Variants in MFHAS1 observed in about 807,000 individuals in gnomAD.
MFHAS1 encodes the protein malignant fibrous histiocytoma-amplified sequence 1.
In MFHAS1, 50 loss-of-function variants were observed where a neutral mutation model predicts 70.4. The observed-to-expected ratio is 0.71, with a 90% CI of 0.57 to 0.90. The LOEUF (loss-of-function observed/expected upper bound fraction) is 0.90. MFHAS1 is among the 40% of genes least tolerant of loss of function. MFHAS1 has a pLI of 0.00. For synonymous variants in MFHAS1, 952 were observed against 620.0 expected (o/e 1.54, Z -7.96); for missense variants, 1,795 against 1,347.6 (o/e 1.33, Z -5.20).
intron 2 of MFHAS1, among the ~76,000 whole-genome samples, chr8:8,791,684 C>T (rs572692113): frequency 2.0e-5 from 3 of 152,292 alleles, no homozygotes; most frequent in South Asian, 2.1e-4. Flanking sequence ...AAAGATAATG[C>T]GGTCTACTTG....
At chr8:8,873,920 A>G (rs1373599940) in intron 1 of MFHAS1, among the ~76,000 whole-genome samples, 1 of 152,216 alleles carries the variant, frequency 6.6e-6, no homozygotes, top group Non-Finnish European at 1.5e-5. Flanking sequence ...AATTATTGCT[A>G]TGTCTAAACA....
In MFHAS1 at chr8:8,892,773, T is replaced by C; in HGVS notation, c.286A>G (p.Arg96Gly). Residue 96 changes from arginine (R) to glycine (G), a missense_variant, in exon 1 of 3, where the codon AGG becomes GGG. Transcript: ENST00000276282. This position sits in a 1 kb window ranked among gnomAD's most constrained non-coding sequence, Gnocchi z 4.7. ...GGGGGCAGCCGGGCGAAGCGGTTCC[T>C]GCGCAGGACCAGGACGCGCAGGCTG... is the stretch of plus-strand genomic sequence containing the variant. ...LGSLRVLVLR[R>G]NRFARLPPAV... 3 of 1,582,510 alleles carry C rather than the reference T, an allele frequency of 1.9e-6. No homozygotes were observed. The highest frequency in any genetic ancestry group is 1.7e-6 in the Non-Finnish European group (2 of 1,165,548).
At chr8:8,857,684 C>T (rs779462367) in intron 1 of MFHAS1, among the ~76,000 whole-genome samples, 1 of 151,590 alleles carries the variant, frequency 6.6e-6, no homozygotes. Context: ...CGCTTGAACC[C>T]GGGAGGCAGA....
intron 2 of MFHAS1, among the ~76,000 whole-genome samples, chr8:8,797,013 A>C (rs1053274913): frequency 6.6e-6 from 1 of 152,174 alleles, no homozygotes; most frequent in Non-Finnish European, 1.5e-5. Flanking sequence ...AACAACAAAA[A>C]AAATGTTCTT....
intron 1 of MFHAS1, among the ~76,000 whole-genome samples, chr8:8,861,248 G>C (rs1025341812): frequency 6.6e-6 from 1 of 152,176 alleles, no homozygotes; most frequent in Non-Finnish European, 1.5e-5. Flanking sequence ...CTTCACAATC[G>C]AGATGTGACC....
At chr8:8,796,688 C>CAAAAAAAAAAAA (rs55756300) in intron 2 of MFHAS1, among the ~76,000 whole-genome samples, 1,164 of 24,636 alleles carry the variant, frequency 0.047, 235 homozygotes, top group South Asian at 0.075. Flanking sequence ...CGTCTCAAAA[C>CAAAAAAAAAAAA]AAAAAAAAAA....
chr8:8,783,597 G>A lies in MFHAS1; in HGVS notation c.*2425C>T, dbSNP rs1805434520. The A allele has an allele frequency of 1.3e-5, 2 of 151,930 alleles. No homozygotes were observed. Among genetic ancestry groups the A allele is most frequent in the Admixed American group, 1.3e-4 (2 of 15,270 alleles). The allele number at this position is 151,930 out of a possible 1,614,324, so 9.4% of individuals were successfully genotyped here. A position where few individuals can be genotyped will look rare whatever the true frequency, so the allele number is the denominator to read the frequency against. ...TAGAAGGGGGAAAAACATTTATTTT[G>A]GCAGTGCTTTGACAATTCCAGGAAG... On this transcript the variant is annotated 3_prime_UTR_variant, in exon 3 of 3. Coordinates refer to ENST00000276282, the MANE Select transcript of MFHAS1 (RefSeq NM_004225.3).
intron 2 of MFHAS1, among the ~76,000 whole-genome samples, chr8:8,792,458 T>C (rs1225022397): frequency 6.6e-6 from 1 of 151,988 alleles, no homozygotes. Flanking sequence ...AATAAAAAAT[T>C]AGCTAGGTGC....
chr8:8,795,763 C>A (rs776143787), intron 2 of MFHAS1, among the ~76,000 whole-genome samples: 1 of 152,222 alleles, frequency 6.6e-6, no homozygotes, highest in Non-Finnish European at 1.5e-5. Flanking sequence ...GGATGCCTGT[C>A]ACACTGCCTG....
intron 2 of MFHAS1, 66 bp downstream of exon 2, chr8:8,797,299 T>A: frequency 6.4e-7 from 1 of 1,568,954 alleles, no homozygotes; most frequent in Non-Finnish European, 8.7e-7. Context: ...TGGATTTTTG[T>A]GGTCATATCT....
intron 1 of MFHAS1, among the ~76,000 whole-genome samples, chr8:8,830,919 T>C (rs1367048325): frequency 6.6e-6 from 1 of 152,168 alleles, no homozygotes; most frequent in African/African-American, 2.4e-5. Flanking sequence ...ATACTTTCCC[T>C]TCCTTTAAAG....
intron 1 of MFHAS1, among the ~76,000 whole-genome samples, chr8:8,823,226 T>G (rs1807031942): frequency 6.6e-6 from 1 of 152,228 alleles, no homozygotes; most frequent in Non-Finnish European, 1.5e-5. Flanking sequence ...CTGTAAATGT[T>G]TATTTGCAAG....
At position 8,892,032 on chromosome 8, in the gene MFHAS1, C is replaced by A; in HGVS notation, c.1027G>T (p.Gly343Cys). The A allele has an allele frequency of 6.2e-7, 1 of 1,613,528 alleles. No individual in the cohort carries two copies. Among genetic ancestry groups the A allele is most frequent in the East Asian group, 2.2e-5 (1 of 44,872 alleles). The change falls in exon 1 of 3, where the codon GGC (glycine) becomes TGC (cysteine). Residue 343 changes from glycine (G) to cysteine (C), a missense_variant. Coordinates refer to ENST00000276282, the MANE Select transcript of MFHAS1 (RefSeq NM_004225.3). The surrounding 1 kb of genome is among the most constrained non-coding windows in gnomAD (Gnocchi z 4.7). Reference sequence around the variant, plus strand: ...CCCTGCAGCACGAGCTCCTCCAGGCCGGTCAGCTCCACGATGGAGTCCGGC... The same window carrying A: ...CCCTGCAGCACGAGCTCCTCCAGGCAGGTCAGCTCCACGATGGAGTCCGGC... ...YLPDSIVELT[G>C]LEELVLQGNQ...
At chr8:8,838,157 C>A (rs979161246) in intron 1 of MFHAS1, among the ~76,000 whole-genome samples, 6 of 152,156 alleles carry the variant, frequency 3.9e-5, no homozygotes, top group Admixed American at 6.5e-5. Flanking sequence ...AAAGGTCAGA[C>A]AAAAGACTAT....
chr8:8,863,160 G>C (rs1419137881), intron 1 of MFHAS1, among the ~76,000 whole-genome samples: 1 of 152,092 alleles, frequency 6.6e-6, no homozygotes, highest in Non-Finnish European at 1.5e-5. Context: ...TGTATGTGTG[G>C]GTCTATTCTG....
chr8:8,841,463 G>A (rs1324565204), intron 1 of MFHAS1, among the ~76,000 whole-genome samples: 4 of 126,770 alleles, frequency 3.2e-5, no homozygotes, highest in Admixed American at 8.8e-5. Context: ...TCAAGACTTC[G>A]TCTCAAAAAA....
intron 1 of MFHAS1, among the ~76,000 whole-genome samples, chr8:8,817,712 G>A (rs1806799967): frequency 6.6e-6 from 1 of 152,210 alleles, no homozygotes; most frequent in African/African-American, 2.4e-5. Context: ...GCGGAGGAGG[G>A]GGATGGTTTC....
intron 1 of MFHAS1, among the ~76,000 whole-genome samples, chr8:8,834,556 G>C (rs1510932): frequency 0.94 from 142,614 of 152,268 alleles, 66,995 homozygotes; most frequent in South Asian, 0.99. Context: ...CTATAGTATT[G>C]ATTACAGTAA....
At chr8:8,800,847 G>C (rs1806060676) in intron 1 of MFHAS1, among the ~76,000 whole-genome samples, 2 of 151,938 alleles carry the variant, frequency 1.3e-5, no homozygotes, top group African/African-American at 4.8e-5. Flanking sequence ...ACCCATCCCT[G>C]GCACCAGCCT....
Sources: allele counts gnomAD v4.1 joint callset (sites outside exome capture counted in the v4.1 genomes callset), GRCh38; gene constraint gnomAD v4.1.1; non-coding constraint Gnocchi (gnomAD v3.1); transcripts MANE v1.5; gene names NCBI Gene and HGNC (gene_info 2026-07-23, HGNC 2026-07-21).